PPP3CB: variants seen among roughly 807,000 people sequenced by gnomAD.
The protein encoded by PPP3CB is serine/threonine-protein phosphatase 2B catalytic subunit beta isoform.
In PPP3CB, 8 loss-of-function variants were observed where a neutral mutation model predicts 66.4. The ratio of observed to expected loss-of-function variants is 0.12; its 90% CI spans 0.07 to 0.22. PPP3CB has a LOEUF of 0.22. Ranked by LOEUF, PPP3CB falls within the 10% of genes least tolerant of loss-of-function variation. The pLI is 1.00. For synonymous variants in PPP3CB, 208 were observed against 221.2 expected (o/e 0.94, Z 0.53); for missense variants, 319 against 642.5 (o/e 0.50, Z 5.44).
At chr10:73,486,120 AT>A (rs1201840996) in intron 1 of PPP3CB, among the ~76,000 whole-genome samples, 7 of 147,110 alleles carry the variant, frequency 4.8e-5, no homozygotes, top group Non-Finnish European at 9.0e-5. Context: ...TAATCTTTGT[AT>A]TTTTAGTAGA....
At chr10:73,469,920 C>A (rs1379763712) in intron 8 of PPP3CB, among the ~76,000 whole-genome samples, 2 of 152,200 alleles carry the variant, frequency 1.3e-5, no homozygotes, top group East Asian at 3.8e-4. Context: ...AAGCTGGCCT[C>A]TTAATATCAT....
At chr10:73,460,136 T>A (rs1204956036) in intron 9 of PPP3CB, among the ~76,000 whole-genome samples, 1 of 152,032 alleles carries the variant, frequency 6.6e-6, no homozygotes, top group Non-Finnish European at 1.5e-5. Flanking sequence ...TCCAAGGACT[T>A]TGTGTTGACA....
At position 73,443,330 on chromosome 10, in the gene PPP3CB, A is replaced by AAGAAAG. The variant is rs1458015567; in HGVS notation, c.1366+1394_1366+1395insCTTTCT. 7.5e-3 allele frequency among the ~76,000 whole-genome samples: 1,040 copies of AAGAAAG among 138,084 alleles called. 19 individuals are homozygous for AAGAAAG. The highest frequency in any genetic ancestry group is 0.027 in the African/African-American group (988 of 37,056). 90.6% of individuals were successfully genotyped at this position (138,084 alleles called of 152,430 possible). The stretch of plus-strand genomic sequence containing the variant: ...AAAGAAAGAAAGAAAGAAAGAAAGA[A>AAGAAAG]AAAGAAAGAGAAGAGAAGAGAGAAA... On this transcript the variant is annotated intron_variant, in intron 12 of 13. Coordinates refer to ENST00000360663, the MANE Select transcript of PPP3CB (RefSeq NM_021132.4).
Position 73,481,066 on chromosome 10 carries a change from G to GTT in PPP3CB, c.86-1551_86-1550dup, listed in dbSNP as rs577978908. Among the ~76,000 whole-genome samples, 22 of 151,154 alleles carry GTT rather than the reference G, an allele frequency of 1.5e-4. No homozygotes were observed. The South Asian group carries it at 3.7e-3, about 26-fold the overall frequency. ...CAGGCTCTTTACTGAATAGTACTTT[G>GTT]TTTTTCAAAATAAAGAAAGTGAGAG... On this transcript the variant is annotated intron_variant, in intron 1 of 13. Transcript: ENST00000360663.
chr10:73,495,488 T>TCGCG (rs1324166459), intron 1 of PPP3CB: 4 of 185,612 alleles, frequency 2.2e-5, no homozygotes, highest in Admixed American at 1.3e-4. Flanking sequence ...AGGAAGCTAA[T>TCGCG]CGCGGCCCCT....
intron 11 of PPP3CB, 96 bp downstream of exon 11, chr10:73,446,396 G>T: frequency 8.6e-7 from 1 of 1,159,010 alleles, no homozygotes; most frequent in South Asian, 1.2e-5. Flanking sequence ...CACCATACCC[G>T]GCCCCATTTT....
chr10:73,462,949 C>CAAAAAAAAAAAAAAAAA, intron 9 of PPP3CB, among the ~76,000 whole-genome samples: 1 of 58,820 alleles, frequency 1.7e-5, no homozygotes, highest in South Asian at 1.1e-3. Context: ...GACTCTGTCT[C>CAAAAAAAAAAAAAAAAA]AAAAAAAAAA....
chr10:73,447,871 T>A (rs2056282566), intron 10 of PPP3CB, among the ~76,000 whole-genome samples: 1 of 151,140 alleles, frequency 6.6e-6, no homozygotes, highest in South Asian at 2.1e-4. Flanking sequence ...CACAGCACTC[T>A]AAACAGGTAT....
At chr10:73,474,249 C>G (rs992057502) in intron 4 of PPP3CB, among the ~76,000 whole-genome samples, 2 of 152,040 alleles carry the variant, frequency 1.3e-5, no homozygotes, top group African/African-American at 4.8e-5. Context: ...CCGTGTTGGC[C>G]AGGCTGGTCT....
intron 1 of PPP3CB, 146 bp downstream of exon 1, chr10:73,495,659 G>A: frequency 7.9e-7 from 1 of 1,262,698 alleles, no homozygotes; most frequent in Non-Finnish European, 1.0e-6. Context: ...GCCCAGCAGG[G>A]GCCCGCCCAG....
chr10:73,482,475 G>A (rs113354755), intron 1 of PPP3CB, among the ~76,000 whole-genome samples: 10,130 of 146,642 alleles, frequency 0.069, 565 homozygotes, highest in East Asian at 0.3. Context: ...CCCGGAAGGC[G>A]GAGCTTGCAG....
chr10:73,440,086 GCA>G (rs534157952), intron 12 of PPP3CB, among the ~76,000 whole-genome samples, 185 bp from the exon 13 acceptor site: 10 of 152,050 alleles, frequency 6.6e-5, no homozygotes, highest in Admixed American at 2.0e-4. Flanking sequence ...TCCTGACACA[GCA>G]CAGTTTACAC....
At chr10:73,476,643 A>G (rs889667588) in intron 3 of PPP3CB, among the ~76,000 whole-genome samples, 12 of 151,330 alleles carry the variant, frequency 7.9e-5, no homozygotes, top group Non-Finnish European at 1.6e-4. Flanking sequence ...AAAAAGAGTC[A>G]GCTGCAAAAC....
rs1374559498 is a variant in PPP3CB at position 73,436,798 on chromosome 10, A to G, written c.*1444T>C. The G allele has an allele frequency of 6.6e-6, 1 of 152,202 alleles. No homozygotes were observed. Among genetic ancestry groups the G allele is most frequent in the African/African-American group, 2.4e-5 (1 of 41,454 alleles). The allele number at this position is 152,202 out of a possible 1,614,324, so 9.4% of individuals were successfully genotyped here. ...TTGCATCTTCCAAATAAAACCCAAC[A>G]CAGAGATAGGAGCAGCGGCCCATGC... On this transcript the variant is annotated 3_prime_UTR_variant, in exon 14 of 14. Coordinates refer to ENST00000360663, the MANE Select transcript of PPP3CB (RefSeq NM_021132.4).
At chr10:73,489,622 G>GTC (rs2057040272) in intron 1 of PPP3CB, among the ~76,000 whole-genome samples, 1 of 152,140 alleles carries the variant, frequency 6.6e-6, no homozygotes. Context: ...AGGTTATTAA[G>GTC]TAGTAGAGCT....
intron 1 of PPP3CB, among the ~76,000 whole-genome samples, chr10:73,484,616 T>C (rs1339154310): frequency 6.6e-6 from 1 of 151,990 alleles, no homozygotes; most frequent in African/African-American, 2.4e-5. Context: ...CCATATATAC[T>C]TTTTTCTCCT....
intron 9 of PPP3CB, among the ~76,000 whole-genome samples, chr10:73,466,714 C>A (rs1191051344): frequency 6.6e-6 from 1 of 152,084 alleles, no homozygotes; most frequent in Non-Finnish European, 1.5e-5. Flanking sequence ...TACAAATTGC[C>A]TTGGCAGAAG....
intron 2 of PPP3CB, 85 bp from the exon 3 acceptor site, chr10:73,478,708 C>A: frequency 8.3e-7 from 1 of 1,204,960 alleles, no homozygotes. Flanking sequence ...TTACATAAGA[C>A]ATAGTACAAA....
intron 9 of PPP3CB, among the ~76,000 whole-genome samples, chr10:73,463,523 C>G (rs890495606): frequency 6.6e-6 from 1 of 152,204 alleles, no homozygotes; most frequent in African/African-American, 2.4e-5. Flanking sequence ...TGATTTCTTG[C>G]TTTCAGACTC....
Sources: allele counts gnomAD v4.1 joint callset (sites outside exome capture counted in the v4.1 genomes callset), GRCh38; gene constraint gnomAD v4.1.1; transcripts MANE v1.5; gene names NCBI Gene and HGNC (gene_info 2026-07-23, HGNC 2026-07-21).